Variants in CHD2 observed in about 807,000 individuals in gnomAD.
The protein encoded by CHD2 is ATP-dependent chromatin remodeler CHD2.
In CHD2, 28 loss-of-function variants were observed where a neutral mutation model predicts 243.9. The observed-to-expected ratio is 0.11, with a 90% confidence interval of 0.09 to 0.16. The LOEUF is 0.16. Ranked by LOEUF, CHD2 falls within the 10% of genes least tolerant of loss-of-function variation. The pLI, the probability that CHD2 is intolerant of heterozygous loss-of-function variation, is 1.00. For missense variants in CHD2, 1,386 were observed against 2,209.8 expected, an observed-to-expected ratio of 0.63 and a Z score of 7.47; for synonymous variants, 775 against 779.0, an observed-to-expected ratio of 0.99 and a Z score of 0.09.
intron 13 of CHD2, among the ~76,000 whole-genome samples, chr15:92,951,318 G>A (rs923115144): frequency 1.3e-5 from 2 of 151,912 alleles, no homozygotes; most frequent in Admixed American, 6.6e-5. Context: ...TTACACGCAC[G>A]CACCACCATG....
intron 28 of CHD2, among the ~76,000 whole-genome samples, chr15:92,994,327 G>C (rs886254467): frequency 1.5e-4 from 23 of 152,116 alleles, no homozygotes; most frequent in African/African-American, 5.5e-4. Flanking sequence ...GGCTTGCAAT[G>C]TTAGCTGTTA....
intron 2 of CHD2, chr15:92,905,101 G>A: frequency 1.8e-6 from 2 of 1,117,864 alleles, no homozygotes; most frequent in Non-Finnish European, 2.5e-6. Context: ...ATTAAAAAGT[G>A]GCAGAATACA....
intron 16 of CHD2, among the ~76,000 whole-genome samples, chr15:92,960,639 T>C (rs1450950949): frequency 6.6e-6 from 1 of 151,776 alleles, no homozygotes; most frequent in East Asian, 1.9e-4. Context: ...CAGTGTTTGA[T>C]ACTTTCTATG....
intron 16 of CHD2, among the ~76,000 whole-genome samples, chr15:92,959,869 C>A (rs1429523198): frequency 1.3e-5 from 2 of 152,180 alleles, no homozygotes; most frequent in East Asian, 3.8e-4. Flanking sequence ...TTCTAGAATT[C>A]TTGATACTTC....
chr15:92,927,085 A>AT (rs1018722606), intron 3 of CHD2, among the ~76,000 whole-genome samples, 159 bp from the exon 4 acceptor site: 6 of 152,188 alleles, frequency 3.9e-5, no homozygotes, highest in African/African-American at 1.4e-4. Flanking sequence ...TAATATGCCT[A>AT]TTTTAAAAAA....
chr15:92,909,791 AC>A (rs1481486933), intron 2 of CHD2, among the ~76,000 whole-genome samples: 2 of 151,994 alleles, frequency 1.3e-5, no homozygotes, highest in Non-Finnish European at 2.9e-5. Flanking sequence ...TGCTGGGATT[AC>A]AGATGTGAGC....
At chr15:92,995,957 C>T (rs912438082) in intron 28 of CHD2, among the ~76,000 whole-genome samples, 3 of 152,088 alleles carry the variant, frequency 2.0e-5, no homozygotes, top group Admixed American at 6.6e-5. Context: ...TTTCTTTTAA[C>T]GAACAAGGTT....
chr15:92,921,045 T>C (rs939954642), intron 2 of CHD2, among the ~76,000 whole-genome samples: 4 of 151,990 alleles, frequency 2.6e-5, no homozygotes, highest in African/African-American at 9.7e-5. Flanking sequence ...CAGCAGGGCA[T>C]GGTAATTGAA....
At chr15:92,980,589 G>A (rs1329924936) in intron 22 of CHD2, among the ~76,000 whole-genome samples, 2 of 152,138 alleles carry the variant, frequency 1.3e-5, no homozygotes, top group African/African-American at 2.4e-5. Context: ...CCATGCAATA[G>A]GTGAACCAGT....
At chr15:92,947,194 T>C (rs1426358213) in intron 12 of CHD2, 1 of 151,726 alleles carries the variant, frequency 6.6e-6, no homozygotes, top group African/African-American at 2.4e-5. Context: ...TGCCAAAGAG[T>C]GTGATAGGGA....
At chr15:92,940,007 A>T (rs2053332440) in intron 7 of CHD2, among the ~76,000 whole-genome samples, 1 of 152,022 alleles carries the variant, frequency 6.6e-6, no homozygotes, top group Admixed American at 6.6e-5. Flanking sequence ...ATTTCATAAC[A>T]TTTTTTTCCA....
At chr15:92,990,971 C>T (rs1356581709) in intron 26 of CHD2, among the ~76,000 whole-genome samples, 1 of 152,140 alleles carries the variant, frequency 6.6e-6, no homozygotes, top group Non-Finnish European at 1.5e-5. Context: ...TCATATTTTA[C>T]TGTGCCTTAT....
In CHD2 at chr15:92,956,592, C is replaced by G. The variant is rs2053619631; in HGVS notation, c.1943C>G (p.Pro648Arg). Residue 648 changes from proline to arginine, a missense_variant, in exon 16 of 39, where the codon CCT (proline) becomes CGT (arginine). Pro to Arg is a moderately radical substitution (Grantham distance 103). Transcript: ENST00000394196. ...CATAGGCTCCTGATTACGGGGACCC[C>G]TCTTCAGAATTCCCTCAAAGAGCTC... is the stretch of plus-strand genomic sequence containing the variant. The part of the protein sequence containing the change: ...SNHRLLITGT[P>R]LQNSLKELWS... The G allele has an allele frequency of 6.2e-7, 1 of 1,613,880 alleles. No individual in the cohort carries two copies. The highest frequency in any genetic ancestry group is 8.5e-7 in the Non-Finnish European group (1 of 1,179,934).
intron 16 of CHD2, among the ~76,000 whole-genome samples, chr15:92,966,356 G>A (rs1166342761): frequency 3.9e-5 from 6 of 151,914 alleles, no homozygotes; most frequent in Admixed American, 6.6e-5. Context: ...GAGCTACTTC[G>A]CCCAGCCAGA....
intron 16 of CHD2, chr15:92,965,134 T>C (rs1408329109): frequency 6.6e-6 from 1 of 152,192 alleles, no homozygotes; most frequent in East Asian, 1.9e-4. Context: ...ATAGCAGGGA[T>C]TTATCTAAAA....
At chr15:92,946,356 C>T (rs148758314) in intron 12 of CHD2, 140 bp downstream of exon 12, 1 of 583,342 alleles carries the variant, frequency 1.7e-6, no homozygotes, top group Non-Finnish European at 2.7e-6. Flanking sequence ...TTAAATATGA[C>T]ATTAAAGCAA....
Position 92,946,173 on chromosome 15 carries a change from A to G in CHD2, c.1334A>G (p.His445Arg), listed in dbSNP as rs750053293. 6.2e-7 allele frequency: 1 copy of G among 1,613,478 alleles called. No homozygotes were observed. Among genetic ancestry groups the G allele is most frequent in the Non-Finnish European group, 8.5e-7 (1 of 1,179,644 alleles). ...TTCCAGAATTGCATTGACAGCTTCCACAGTAGGAACAACTCAAAAACCATC... is the reference window on the plus strand; with the variant it reads ...TTCCAGAATTGCATTGACAGCTTCCGCAGTAGGAACAACTCAAAAACCATC... Reference protein sequence around the residue: ...KKFQNCIDSFHSRNNSKTIPT... With the variant: ...KKFQNCIDSFRSRNNSKTIPT... The change falls in exon 12 of 39, where the codon CAC becomes CGC. Residue 445 changes from histidine to arginine, a missense_variant. Physicochemically the swap from His to Arg is conservative, Grantham distance 29. Coordinates refer to ENST00000394196, the MANE Select transcript of CHD2 (RefSeq NM_001271.4).
chr15:93,017,897 T>A (rs916587181), intron 37 of CHD2, among the ~76,000 whole-genome samples: 3 of 152,218 alleles, frequency 2.0e-5, no homozygotes. Context: ...TTAGGCTGTT[T>A]TTGTGTTTTG....
At position 92,905,029 on chromosome 15, in the gene CHD2, A is replaced by G. The variant is rs1319113588; in HGVS notation, c.62+3730A>G. 10 of 1,524,626 alleles carry G rather than the reference A, an allele frequency of 6.6e-6. No homozygotes were observed. The East Asian group carries it at 9.8e-5, about 15-fold the overall frequency. The allele number at this position is 1,524,626 out of a possible 1,614,324, so 94.4% of individuals were successfully genotyped here. On this transcript the variant is annotated intron_variant, in intron 2 of 38. Transcript: ENST00000394196. ...CTCAGGTCAGTATGTGCTAAGTACT[A>G]TATATTTAAGATTCACAGTGGGATA...
Sources: allele counts gnomAD v4.1 joint callset (sites outside exome capture counted in the v4.1 genomes callset), GRCh38; gene constraint gnomAD v4.1.1; transcripts MANE v1.5; gene names NCBI Gene and HGNC (gene_info 2026-07-23, HGNC 2026-07-21).